Variants in DCTN1 observed in about 807,000 individuals in gnomAD.
The protein encoded by DCTN1 is dynactin subunit 1.
A neutral mutation model predicts 161.2 loss-of-function variants in DCTN1; 61 were observed. That is an observed-to-expected ratio of 0.38 (90% confidence interval 0.31 to 0.47). The LOEUF (loss-of-function observed/expected upper bound fraction) is 0.47. DCTN1 is among the 20% of genes least tolerant of loss of function. DCTN1 has a pLI of 0.99. For synonymous variants in DCTN1, 653 were observed against 632.4 expected (o/e 1.03, Z -0.49); for missense variants, 1,404 against 1,623.7 (o/e 0.86, Z 2.33).
chr2:74,371,111 T>C lies in DCTN1; in HGVS notation c.711A>G (p.Lys237=). The C allele has an allele frequency of 6.2e-7, 1 of 1,614,210 alleles. No individual in the cohort carries two copies. The highest frequency in any genetic ancestry group is 8.5e-7 in the Non-Finnish European group (1 of 1,180,048). The change falls in exon 9 of 32, where the codon AAA becomes AAG. Residue 237 remains lysine, a synonymous_variant. Coordinates refer to ENST00000628224, the MANE Select transcript of DCTN1 (RefSeq NM_004082.5). The part of the protein sequence containing the change: ...LEEKLETLRL[K]RAEDKAKLKE... ...TTAGCTTTGCTTTGTCTTCTGCCCG[T>C]TTCAGTCTCAGGGTCTCTAGTTTCT...
At chr2:74,380,650 C>G (rs1227185564), upstream of DCTN1, 1 of 446,340 alleles carries the variant, frequency 2.2e-6, no homozygotes, top group Admixed American at 2.4e-5. Flanking sequence ...TCTCCCTCCC[C>G]TCTCTAAACT....
chr2:74,365,684 C>T (rs1430085181), intron 24 of DCTN1, 27 bp from the exon 25 acceptor site: 1 of 1,613,916 alleles, frequency 6.2e-7, no homozygotes, highest in African/African-American at 1.3e-5. Context: ...CTTCTAGATC[C>T]CTGACATCCT....
intron 1 of DCTN1, 67 bp downstream of exon 1, chr2:74,379,938 G>T: frequency 6.6e-7 from 1 of 1,515,110 alleles, no homozygotes; most frequent in Admixed American, 1.7e-5. Flanking sequence ...CCACAGCAAT[G>T]ATGTCCACAG....
At chr2:74,368,967 TCTAGGGCAAGC>T in intron 15 of DCTN1, 87 bp from the exon 16 acceptor site, 1 of 1,582,640 alleles carries the variant, frequency 6.3e-7, no homozygotes, top group Non-Finnish European at 8.7e-7. Context: ...ATCCCTTGCT[TCTAGGGCAAGC>T]CCAGGCCAGA....
chr2:74,390,452 C>T (rs1050930789), intron 1 of DCTN1: 14 of 234,474 alleles, frequency 6.0e-5, no homozygotes, highest in Non-Finnish European at 1.2e-4. Flanking sequence ...ATGTTCAAGC[C>T]AAGCTGCAAA....
At chr2:74,371,918 GAGAT>G in intron 7 of DCTN1, 190 bp from the exon 8 acceptor site, 1 of 597,160 alleles carries the variant, frequency 1.7e-6, no homozygotes, top group Non-Finnish European at 3.0e-6. Context: ...GAGGCAGAGA[GAGAT>G]AGTGACAAAG....
intron 1 of DCTN1, chr2:74,390,563 C>A: frequency 2.3e-6 from 1 of 425,926 alleles, no homozygotes; most frequent in Non-Finnish European, 5.0e-6. Context: ...TATTTGAGAT[C>A]TTGTAGTCCA....
exon 1 of DCTN1, chr2:74,391,836 C>G (rs1489331873): frequency 6.6e-6 from 3 of 453,832 alleles, no homozygotes; most frequent in Non-Finnish European, 1.3e-5. Flanking sequence ...ACCCCACCGA[C>G]GACCGACGCC....
intron 1 of DCTN1, chr2:74,378,816 T>G (rs997872350): frequency 6.2e-6 from 1 of 162,012 alleles, no homozygotes; most frequent in African/African-American, 2.4e-5. Flanking sequence ...TCCTTCCTGA[T>G]CTGACTCCTC....
intron 5 of DCTN1, chr2:74,374,826 A>G (rs892549894): frequency 8.6e-6 from 8 of 926,942 alleles, no homozygotes; most frequent in African/African-American, 3.5e-5. Context: ...TTCTTTCTCC[A>G]AAGAACAGGT....
chr2:74,369,161 C>T lies in DCTN1; in HGVS notation c.1638G>A (p.Gln546=), dbSNP rs770177158. Residue 546 remains glutamine, a synonymous_variant, in exon 15 of 32, where the codon CAG becomes CAA. Transcript: ENST00000628224. The surrounding 1 kb of genome is among the most constrained non-coding windows in gnomAD (Gnocchi z 4.9). ...AGTCAAAGGTCTCTGGAGGTGGCTGCTGTTGCCTCTCCACAGATGCTTCCT... is the reference window on the plus strand; with the variant it reads ...AGTCAAAGGTCTCTGGAGGTGGCTGTTGTTGCCTCTCCACAGATGCTTCCT... The part of the protein sequence containing the change: ...NQQEASVERQ[Q]QPPPETFDFK... 6.2e-7 allele frequency: 1 copy of T among 1,614,276 alleles called. No individual in the cohort carries two copies. The highest frequency in any genetic ancestry group is 8.5e-7 in the Non-Finnish European group (1 of 1,180,052).
Position 74,362,691 on chromosome 2 carries a change from C to A in DCTN1, c.3568G>T (p.Ala1190Ser). 3.7e-6 allele frequency: 6 copies of A among 1,614,000 alleles called. No individual in the cohort carries two copies. The highest frequency in any genetic ancestry group is 5.1e-6 in the Non-Finnish European group (6 of 1,179,986). Residue 1190 changes from alanine (A) to serine (S), a missense_variant, in exon 30 of 32, where the codon GCT (alanine) becomes TCT (serine). Ala to Ser is a moderately conservative substitution (Grantham distance 99). Around this residue, in one of 9 missense-constraint regions of DCTN1, gnomAD observed 311 missense variants for 298.9 expected, o/e 1.04. Coordinates refer to ENST00000628224, the MANE Select transcript of DCTN1 (RefSeq NM_004082.5). ...GTGTCACTCAGGGACTTAAGCTGAG[C>A]CACTTGCTCCATAAGTTGGGCCGAC... ...SPSAQLMEQV[A>S]QLKSLSDTVE... is the part of the protein sequence containing the mutation.
rs200275059 is a variant in DCTN1, at chr2:74,367,102, C to T, written c.2259G>A (p.Thr753=). The part of the protein sequence containing the change: ...TMQLADHIKF[T]QSALDCMSVE... ...CACTCATGCAGTCCAGAGCACTCTGCGTGAACTGTGAGGATAGAAGCATGC... is the reference window on the plus strand; with the variant it reads ...CACTCATGCAGTCCAGAGCACTCTGTGTGAACTGTGAGGATAGAAGCATGC... The change falls in exon 20 of 32, where the codon ACG becomes ACA. Residue 753 remains threonine, a synonymous_variant. Coordinates refer to ENST00000628224, the MANE Select transcript of DCTN1 (RefSeq NM_004082.5). 30 of 1,614,056 alleles carry T rather than the reference C, an allele frequency of 1.9e-5. No individual in the cohort carries two copies. The highest frequency in any genetic ancestry group is 2.5e-5 in the Non-Finnish European group (29 of 1,180,040).
At chr2:74,374,245 C>G in intron 6 of DCTN1, 78 bp downstream of exon 6, 1 of 1,471,778 alleles carries the variant, frequency 6.8e-7, no homozygotes, top group Non-Finnish European at 9.5e-7. Context: ...AGTCAATCAG[C>G]CCCCACCCCC....
chr2:74,371,922 T>C (rs1317342915), intron 7 of DCTN1, 194 bp from the exon 8 acceptor site: 3 of 550,806 alleles, frequency 5.4e-6, no homozygotes, highest in East Asian at 6.2e-5. Flanking sequence ...CAGAGAGAGA[T>C]AGTGACAAAG....
At chr2:74,361,911 G>T (rs1674022211) in intron 31 of DCTN1, 141 bp downstream of exon 31, 3 of 914,440 alleles carry the variant, frequency 3.3e-6, no homozygotes, top group Non-Finnish European at 5.2e-6. Flanking sequence ...TGAGTTACTT[G>T]TAAGTAAAAT....
In DCTN1 at chr2:74,366,528, G is replaced by A. The variant is rs770872113; in HGVS notation, c.2559C>T (p.Ala853=). 95 of 1,614,026 alleles carry A rather than the reference G, an allele frequency of 5.9e-5. No homozygotes were observed. The highest frequency in any genetic ancestry group is 7.3e-5 in the Non-Finnish European group (86 of 1,180,010). The stretch of plus-strand genomic sequence containing the variant: ...GTAGCCCCTCATTCTCTGCCAGTGG[G>A]GCAATGAGCTGGGCAGCAGCAGCTG... ...EVAAAAAQLI[A]PLAENEGLLV... is the part of the protein sequence containing the mutation. The change falls in exon 22 of 32, where the codon GCC becomes GCT. Residue 853 remains alanine (A), a synonymous_variant. Coordinates refer to ENST00000628224, the MANE Select transcript of DCTN1 (RefSeq NM_004082.5).
In DCTN1 at chr2:74,367,525, AAG is replaced by A. The variant is rs1461958706; in HGVS notation, c.2185-107_2185-106del. 7 of 1,488,776 alleles carry A rather than the reference AAG, an allele frequency of 4.7e-6. No homozygotes were observed. In the Admixed American group the frequency reaches 5.5e-5, roughly 12 times the overall value. The allele number at this position is 1,488,776 out of a possible 1,614,324, so 92.2% of individuals were successfully genotyped here. A position where few individuals can be genotyped will look rare whatever the true frequency, so the allele number is the denominator to read the frequency against. ...GGTCATCATGGGTCTCTGGAGGTAC[AAG>A]AGAATCCAAAGCCCTCAAGCAGCTG... On this transcript the variant is annotated intron_variant, in intron 18 of 31. Transcript: ENST00000628224.
intron 7 of DCTN1, among the ~76,000 whole-genome samples, chr2:74,372,273 CCT>C (rs1183003717): frequency 6.6e-6 from 1 of 152,190 alleles, no homozygotes; most frequent in Non-Finnish European, 1.5e-5. Flanking sequence ...GCTGAATCTC[CCT>C]CTCTCAGTCT....
Sources: allele counts gnomAD v4.1 joint callset (sites outside exome capture counted in the v4.1 genomes callset), GRCh38; gene constraint gnomAD v4.1.1; regional missense constraint gnomAD v4.1.1; non-coding constraint Gnocchi (gnomAD v3.1); transcripts MANE v1.5; gene names NCBI Gene and HGNC (gene_info 2026-07-23, HGNC 2026-07-21).